PDE1A: variants seen among roughly 807,000 people sequenced by gnomAD.
PDE1A encodes the protein phosphodiesterase 1A, also known as dual specificity calcium/calmodulin-dependent 3',5'-cyclic nucleotide phosphodiesterase 1A.
Under a neutral mutation model 61.7 loss-of-function variants are expected in PDE1A, and 35 were observed. The observed-to-expected ratio is 0.57, with a 90% CI of 0.43 to 0.75. The LOEUF is 0.75. Ranked by LOEUF, PDE1A falls within the 30% of genes least tolerant of loss-of-function variation. The probability of loss-of-function intolerance (pLI) is 0.00; values close to 1 mark genes in which losing one functional copy is unlikely to be tolerated. For synonymous variants in PDE1A, 232 were observed against 213.2 expected, an observed-to-expected ratio of 1.09 and a Z score of -0.77; for missense variants, 597 against 630.6, an observed-to-expected ratio of 0.95 and a Z score of 0.57.
chr2:182,578,451 T>C, the PDE1A span, among the ~76,000 whole-genome samples: 2 of 152,192 alleles, frequency 1.3e-5, no homozygotes, highest in Non-Finnish European at 2.9e-5. Flanking sequence ...AAGTCTATAT[T>C]ATTAAGGTTT....
At chr2:182,491,065 C>T (rs1022702008) in intron 2 of PDE1A, among the ~76,000 whole-genome samples, 3 of 152,076 alleles carry the variant, frequency 2.0e-5, no homozygotes, top group East Asian at 1.9e-4. Context: ...TTGCAGTTTT[C>T]GCCATTACTT....
At chr2:182,238,270 A>AAAAAAAAAAAAG (rs1690214259) in intron 3 of PDE1A, among the ~76,000 whole-genome samples, 2 of 150,188 alleles carry the variant, frequency 1.3e-5, no homozygotes, top group South Asian at 2.1e-4. Context: ...CTACGTCAAA[A>AAAAAAAAAAAAG]AAAAAAAAAA....
chr2:182,393,382 CTT>C (rs76669011), intron 1 of PDE1A, among the ~76,000 whole-genome samples: 12 of 147,522 alleles, frequency 8.1e-5, no homozygotes, highest in Admixed American at 1.3e-4. Flanking sequence ...CCCACAGAAC[CTT>C]TTTTTTTTTT....
intron 1 of PDE1A, among the ~76,000 whole-genome samples, chr2:182,425,120 G>A (rs1253720540): frequency 1.3e-5 from 2 of 152,144 alleles, no homozygotes; most frequent in Admixed American, 1.3e-4. Flanking sequence ...AAAACCACCT[G>A]CTTCAATCCC....
At chr2:182,571,543 A>C in the PDE1A span, among the ~76,000 whole-genome samples, 29 of 152,254 alleles carry the variant, frequency 1.9e-4, no homozygotes, top group South Asian at 4.1e-3. Flanking sequence ...CATTGTTAAA[A>C]TTAAAAATTG....
intron 1 of PDE1A, among the ~76,000 whole-genome samples, chr2:182,335,308 A>G (rs953685959): frequency 6.6e-6 from 1 of 152,334 alleles, no homozygotes; most frequent in East Asian, 1.9e-4. Context: ...CATACAGCCA[A>G]GACAATCCTA....
intron 2 of PDE1A, among the ~76,000 whole-genome samples, chr2:182,463,056 C>T (rs570183189): frequency 1.1e-4 from 17 of 151,954 alleles, no homozygotes; most frequent in East Asian, 5.9e-4. Flanking sequence ...GCCTGGCCAA[C>T]GGGGAGAAAC....
At chr2:182,623,641 T>C in the PDE1A span, among the ~76,000 whole-genome samples, 1 of 151,458 alleles carries the variant, frequency 6.6e-6, no homozygotes, top group South Asian at 2.1e-4. Flanking sequence ...GCCTTAGGAG[T>C]GGAGGGCAGG....
At chr2:182,617,473 C>G in the PDE1A span, among the ~76,000 whole-genome samples, 3 of 152,208 alleles carry the variant, frequency 2.0e-5, no homozygotes, top group Admixed American at 6.5e-5. Context: ...TTGTAATAAA[C>G]TGTAACCATG....
At chr2:182,370,038 G>A (rs932282069) in intron 1 of PDE1A, among the ~76,000 whole-genome samples, 5 of 151,936 alleles carry the variant, frequency 3.3e-5, no homozygotes, top group African/African-American at 9.7e-5. Flanking sequence ...TTAGCCGGGC[G>A]TGGTGGTGGC....
chr2:182,500,666 T>C (rs1034041990), intron 2 of PDE1A, among the ~76,000 whole-genome samples: 15 of 152,144 alleles, frequency 9.9e-5, no homozygotes, highest in South Asian at 8.3e-4. Flanking sequence ...TTTTTAAATA[T>C]TGACATAACT....
the PDE1A span, among the ~76,000 whole-genome samples, chr2:182,575,943 ATATAT>A: frequency 6.8e-6 from 1 of 147,114 alleles, no homozygotes; most frequent in South Asian, 2.1e-4. Flanking sequence ...TATAGTATTA[ATATAT>A]TATAATATAT....
At chr2:182,607,621 T>C in the PDE1A span, among the ~76,000 whole-genome samples, 1 of 152,208 alleles carries the variant, frequency 6.6e-6, no homozygotes, top group Non-Finnish European at 1.5e-5. Flanking sequence ...AAAAAGTCTA[T>C]GTACAAGACC....
At chr2:182,579,053 G>A in the PDE1A span, among the ~76,000 whole-genome samples, 3 of 151,968 alleles carry the variant, frequency 2.0e-5, no homozygotes, top group African/African-American at 7.2e-5. Flanking sequence ...AAAAACAAAT[G>A]TTTTCACCTT....
At chr2:182,171,893 A>T (rs1393401401) in intron 13 of PDE1A, among the ~76,000 whole-genome samples, 1 of 151,724 alleles carries the variant, frequency 6.6e-6, no homozygotes, top group Non-Finnish European at 1.5e-5. Flanking sequence ...CTTCCCCATT[A>T]TTACCTCTAC....
chr2:182,442,261 AG>A (rs1684844341), intron 2 of PDE1A, among the ~76,000 whole-genome samples: 2 of 152,046 alleles, frequency 1.3e-5, no homozygotes, highest in South Asian at 4.1e-4. Flanking sequence ...AACCAAAGTG[AG>A]GGGAAGTCTA....
intron 1 of PDE1A, among the ~76,000 whole-genome samples, chr2:182,362,059 A>G (rs1699543911): frequency 6.6e-6 from 1 of 152,070 alleles, no homozygotes; most frequent in African/African-American, 2.4e-5. Flanking sequence ...TATGAAAGAA[A>G]AAACAAAGGC....
At chr2:182,412,368 T>C (rs1278558371) in intron 1 of PDE1A, among the ~76,000 whole-genome samples, 1 of 152,166 alleles carries the variant, frequency 6.6e-6, no homozygotes, top group African/African-American at 2.4e-5. Context: ...CTCTAGAGCA[T>C]AGTTGCTGAA....
chr2:182,591,967 G>A, the PDE1A span, among the ~76,000 whole-genome samples: 9 of 152,186 alleles, frequency 5.9e-5, no homozygotes, highest in Non-Finnish European at 7.3e-5. Context: ...CTAGTAGCAG[G>A]TGCCTCTGAA....
Sources: gnomAD v4.1 joint callset for allele counts (sites outside exome capture counted in the v4.1 genomes callset) on GRCh38, gnomAD v4.1.1 for gene constraint, MANE v1.5 for transcripts, NCBI Gene and HGNC (gene_info 2026-07-23, HGNC 2026-07-21) for gene names.